Variants in HSDL2 observed in about 807,000 individuals in gnomAD.
The protein encoded by HSDL2 is hydroxysteroid dehydrogenase like 2, also known as hydroxysteroid dehydrogenase-like protein 2.
HSDL2 carries 27 observed loss-of-function variants against 46.3 expected under a neutral mutation model. The ratio of observed to expected loss-of-function variants is 0.58; its 90% CI spans 0.43 to 0.80. The LOEUF is 0.80. Among genes scored for constraint, HSDL2 ranks in the 30% least tolerant of loss-of-function variants. HSDL2 has a pLI of 0.00. For synonymous variants in HSDL2, 153 were observed against 163.6 expected, an observed-to-expected ratio of 0.94 and a Z score of 0.50; for missense variants, 451 against 502.7, an observed-to-expected ratio of 0.90 and a Z score of 0.98.
intron 6 of HSDL2, among the ~76,000 whole-genome samples, chr9:112,437,026 C>T (rs1004523636): frequency 7.5e-6 from 1 of 133,228 alleles, no homozygotes; most frequent in East Asian, 2.3e-4. Flanking sequence ...GTGGAGTAAT[C>T]TCAGCTCATT....
At chr9:112,391,945 A>G (rs1354000231) in intron 1 of HSDL2, among the ~76,000 whole-genome samples, 1 of 152,174 alleles carries the variant, frequency 6.6e-6, no homozygotes, top group African/African-American at 2.4e-5. Flanking sequence ...GAACTTTGCA[A>G]AAGAAGGTAT....
intron 10 of HSDL2, among the ~76,000 whole-genome samples, chr9:112,462,900 AAATTT>A (rs1421016147): frequency 6.6e-6 from 1 of 152,152 alleles, no homozygotes; most frequent in African/African-American, 2.4e-5. Flanking sequence ...CTGTCTCTAT[AAATTT>A]GCTATTTCTG....
chr9:112,412,489 A>G (rs1305035492), intron 4 of HSDL2, among the ~76,000 whole-genome samples: 1 of 152,220 alleles, frequency 6.6e-6, no homozygotes, highest in Non-Finnish European at 1.5e-5. Flanking sequence ...TGTTCATTGT[A>G]TCATTCACTA....
At chr9:112,425,343 A>G (rs139454447) in intron 6 of HSDL2, among the ~76,000 whole-genome samples, 1 of 152,330 alleles carries the variant, frequency 6.6e-6, no homozygotes, top group African/African-American at 2.4e-5. Context: ...TTAAATGCTT[A>G]TTAAAATTGA....
chr9:112,458,763 C>G (rs768267233), intron 9 of HSDL2, among the ~76,000 whole-genome samples: 2 of 150,546 alleles, frequency 1.3e-5, no homozygotes, highest in Non-Finnish European at 2.9e-5. Flanking sequence ...GGGCAGATCA[C>G]GAGGTCAGGA....
chr9:112,391,837 G>A (rs1272989761), intron 1 of HSDL2, among the ~76,000 whole-genome samples: 3 of 150,986 alleles, frequency 2.0e-5, no homozygotes, highest in Admixed American at 6.6e-5. Context: ...CCCAGGAGGT[G>A]GAGGTTGCAG....
At chr9:112,450,812 TAAGA>T (rs1450497622) in intron 8 of HSDL2, among the ~76,000 whole-genome samples, 2 of 152,144 alleles carry the variant, frequency 1.3e-5, no homozygotes, top group Non-Finnish European at 2.9e-5. Context: ...TTTATTTTCT[TAAGA>T]AAGAAGCTTT....
chr9:112,470,657 G>A lies in HSDL2; in HGVS notation c.*113G>A, dbSNP rs949919370. On this transcript the variant is annotated 3_prime_UTR_variant, in exon 11 of 11. Transcript: ENST00000398805. ...TTATATTATAAGGATATGCACGTTT[G>A]TTCTGGAAAAGATAGAATTTGTCTC... The A allele has an allele frequency of 1.7e-6, 1 of 581,862 alleles. No individual in the cohort carries two copies. Among genetic ancestry groups the A allele is most frequent in the Middle Eastern group, 4.6e-4 (1 of 2,160 alleles). 36.0% of individuals were successfully genotyped at this position (581,862 alleles called of 1,614,324 possible). A position where few individuals can be genotyped will look rare whatever the true frequency, so the allele number is the denominator to read the frequency against.
At chr9:112,409,056 T>TG (rs1367970551) in intron 4 of HSDL2, 35 bp downstream of exon 4, 2 of 1,228,270 alleles carry the variant, frequency 1.6e-6, no homozygotes, top group Non-Finnish European at 2.4e-6. Flanking sequence ...GGGAGGAAGT[T>TG]GCGGTGTTTC....
At chr9:112,408,461 A>AAAGG (rs1831783613) in intron 3 of HSDL2, among the ~76,000 whole-genome samples, 1 of 152,184 alleles carries the variant, frequency 6.6e-6, no homozygotes. Context: ...CATATTATCT[A>AAAGG]AAGGAAGTAT....
At chr9:112,432,806 C>T (rs1832439659) in intron 6 of HSDL2, among the ~76,000 whole-genome samples, 1 of 152,154 alleles carries the variant, frequency 6.6e-6, no homozygotes, top group African/African-American at 2.4e-5. Flanking sequence ...GAATCTCTGT[C>T]ACCCAGGCTG....
chr9:112,382,906 C>T (rs1831128912), intron 1 of HSDL2, among the ~76,000 whole-genome samples: 1 of 149,248 alleles, frequency 6.7e-6, no homozygotes, highest in Non-Finnish European at 1.5e-5. Flanking sequence ...TTATCAGTCT[C>T]TTAAGGCTTT....
chr9:112,403,673 T>C (rs1304442878), intron 1 of HSDL2, among the ~76,000 whole-genome samples: 2 of 152,210 alleles, frequency 1.3e-5, no homozygotes, highest in Non-Finnish European at 2.9e-5. Flanking sequence ...ATTAACACGT[T>C]TTCTGTGGGG....
chr9:112,420,863 C>A (rs943944551), intron 6 of HSDL2, among the ~76,000 whole-genome samples: 3 of 152,098 alleles, frequency 2.0e-5, no homozygotes, highest in Non-Finnish European at 4.4e-5. Context: ...AACTCAATAA[C>A]TTTTATGTTT....
At chr9:112,453,868 C>G in intron 8 of HSDL2, 145 bp from the exon 9 acceptor site, 1 of 625,934 alleles carries the variant, frequency 1.6e-6, no homozygotes, top group Non-Finnish European at 2.7e-6. Flanking sequence ...TTGATTTATG[C>G]TTTTAGATGC....
At chr9:112,392,957 C>T (rs1311485503) in intron 1 of HSDL2, among the ~76,000 whole-genome samples, 1 of 152,200 alleles carries the variant, frequency 6.6e-6, no homozygotes, top group East Asian at 1.9e-4. Flanking sequence ...TCCAACTGTT[C>T]CCTCCATTGG....
chr9:112,469,493 A>C (rs558350285), intron 10 of HSDL2, among the ~76,000 whole-genome samples: 1 of 151,832 alleles, frequency 6.6e-6, no homozygotes, highest in South Asian at 2.1e-4. Flanking sequence ...GCAACATGGC[A>C]AAACCCCATC....
intron 4 of HSDL2, among the ~76,000 whole-genome samples, chr9:112,416,210 GAC>G (rs1831988256): frequency 6.6e-6 from 1 of 151,456 alleles, no homozygotes; most frequent in Non-Finnish European, 1.5e-5. Flanking sequence ...AGGAGTTTGA[GAC>G]ACGCCTGCGC....
At chr9:112,411,383 T>A (rs1459710030) in intron 4 of HSDL2, among the ~76,000 whole-genome samples, 1 of 152,122 alleles carries the variant, frequency 6.6e-6, no homozygotes, top group Admixed American at 6.5e-5. Context: ...TAGTAAGAAT[T>A]ATGGCAAATG....
Sources: gnomAD v4.1 joint callset for allele counts (sites outside exome capture counted in the v4.1 genomes callset) on GRCh38, gnomAD v4.1.1 for gene constraint, MANE v1.5 for transcripts, NCBI Gene and HGNC (gene_info 2026-07-23, HGNC 2026-07-21) for gene names.